DNAH10: variants seen among roughly 807,000 people sequenced by gnomAD.
DNAH10 encodes axonemal beta dynein heavy chain 10.
In DNAH10, 348 loss-of-function variants were observed where a neutral mutation model predicts 506.6. That is an observed-to-expected ratio of 0.69 (90% CI 0.63 to 0.75). The LOEUF (loss-of-function observed/expected upper bound fraction) is 0.75. Among genes scored for constraint, DNAH10 ranks in the 30% least tolerant of loss-of-function variants. The probability of loss-of-function intolerance (pLI) is 0.00; values close to 1 mark genes in which losing one functional copy is unlikely to be tolerated. For synonymous variants in DNAH10, 2,059 were observed against 2,198.6 expected (o/e 0.94, Z 1.78); for missense variants, 5,179 against 5,787.1 (o/e 0.89, Z 3.41).
At chr12:123,873,804 T>C (rs1952131769) in intron 46 of DNAH10, 94 bp downstream of exon 46, 2 of 1,444,340 alleles carry the variant, frequency 1.4e-6, no homozygotes, top group Admixed American at 5.3e-5. Flanking sequence ...TATGAGAACA[T>C]TGATCTTTAC....
chr12:123,861,184 T>C lies in DNAH10; in HGVS notation c.6908+14T>C. The C allele has an allele frequency of 6.2e-7, 1 of 1,613,078 alleles. No homozygotes were observed. Among genetic ancestry groups the C allele is most frequent in the Non-Finnish European group, 8.5e-7 (1 of 1,179,560 alleles). On this transcript the variant is annotated intron_variant, in intron 39 of 78. Transcript: ENST00000673944. Reference sequence around the variant, plus strand: ...GAAGGAGCGAAAGTGAGTATCTTTGTAGGTAGGAAAGAGCCTGGGTTAGTT... The same window carrying C: ...GAAGGAGCGAAAGTGAGTATCTTTGCAGGTAGGAAAGAGCCTGGGTTAGTT...
At chr12:123,834,338 G>C (rs1289943303) in intron 27 of DNAH10, among the ~76,000 whole-genome samples, 2 of 152,130 alleles carry the variant, frequency 1.3e-5, no homozygotes, top group Non-Finnish European at 2.9e-5. Flanking sequence ...CTCCCGAGTG[G>C]CTGGGATTAC....
chr12:123,928,949 A>T lies in DNAH10; in HGVS notation c.12307-326A>T, dbSNP rs935255458. 17 of 467,106 alleles carry T rather than the reference A, an allele frequency of 3.6e-5. No homozygotes were observed. The highest frequency in any genetic ancestry group is 5.7e-5 in the Non-Finnish European group (15 of 264,496). The allele number at this position is 467,106 out of a possible 1,614,324, so 28.9% of individuals were successfully genotyped here. The stretch of plus-strand genomic sequence containing the variant: ...CCCCATTTAATTTATTCTCCGGGAA[A>T]TTCTTTTGGAAAGGTTTTGTCATTC... On this transcript the variant is annotated intron_variant, in intron 70 of 78. Transcript: ENST00000673944. This position sits in a 1 kb window ranked among gnomAD's most constrained non-coding sequence, Gnocchi z 4.9.
At chr12:123,817,440 T>C (rs1435404641) in intron 21 of DNAH10, among the ~76,000 whole-genome samples, 1 of 152,174 alleles carries the variant, frequency 6.6e-6, no homozygotes, top group African/African-American at 2.4e-5. Flanking sequence ...TCATTAATTT[T>C]CTATTTATTT....
In DNAH10 at chr12:123,789,932, G is replaced by A; in HGVS notation, c.1626G>A (p.Leu542=). The A allele has an allele frequency of 1.2e-6, 2 of 1,611,398 alleles. No individual in the cohort carries two copies. Among genetic ancestry groups the A allele is most frequent in the Non-Finnish European group, 1.7e-6 (2 of 1,178,644 alleles). The change falls in exon 11 of 79, where the codon TTG becomes TTA. Residue 542 remains leucine (L), a synonymous_variant. Coordinates refer to ENST00000673944, the MANE Select transcript of DNAH10 (RefSeq NM_001372106.1). ...CQDLSDVLQI[L]EEFYNIFGPE... is the part of the protein sequence containing the mutation. The stretch of plus-strand genomic sequence containing the variant: ...TGTTCCGTTTGATTGGACAGATTTT[G>A]GAGGAATTTTATAACATATTTGGTC...
chr12:123,901,223 T>C lies in DNAH10; in HGVS notation c.9641-1716T>C, dbSNP rs1362958528. On this transcript the variant is annotated intron_variant, in intron 56 of 78. Transcript: ENST00000673944. Reference sequence around the variant, plus strand: ...CTGAGGCCTGTACCAGCCCTCTTCCTTCCCAGCCAGCTCTGGTGGTGTCCT... The same window carrying C: ...CTGAGGCCTGTACCAGCCCTCTTCCCTCCCAGCCAGCTCTGGTGGTGTCCT... 2.0e-5 allele frequency among the ~76,000 whole-genome samples: 3 copies of C among 152,224 alleles called. No individual in the cohort carries two copies. In the East Asian group the frequency reaches 5.8e-4, roughly 29 times the overall value.
Position 123,917,537 on chromosome 12 carries a change from G to T in DNAH10, c.11003-47G>T. On this transcript the variant is annotated intron_variant, in intron 63 of 78. Coordinates refer to ENST00000673944, the MANE Select transcript of DNAH10 (RefSeq NM_001372106.1). This position sits in a 1 kb window ranked among gnomAD's most constrained non-coding sequence, Gnocchi z 5.6. ...TCACAGCAGGGCAGCGGGAGAGACT[G>T]TTGTTGGGGGCCGCAGGTGGTGAGG... The T allele has an allele frequency of 6.5e-7, 1 of 1,532,974 alleles. No homozygotes were observed. 95.0% of individuals were successfully genotyped at this position (1,532,974 alleles called of 1,614,324 possible).
At chr12:123,930,685 T>C in intron 73 of DNAH10, 112 bp downstream of exon 73, 1 of 1,190,114 alleles carries the variant, frequency 8.4e-7, no homozygotes, top group Non-Finnish European at 1.1e-6. Flanking sequence ...AGGTGTGGTC[T>C]GTTAAGCCTG....
intron 19 of DNAH10, among the ~76,000 whole-genome samples, chr12:123,809,937 T>G (rs926360630): frequency 1.3e-5 from 2 of 152,148 alleles, no homozygotes; most frequent in African/African-American, 4.8e-5. Flanking sequence ...CCTGGAACAT[T>G]CTGCTCCCCT....
At chr12:123,818,345 A>T (rs1959180925) in intron 21 of DNAH10, among the ~76,000 whole-genome samples, 1 of 152,032 alleles carries the variant, frequency 6.6e-6, no homozygotes, top group South Asian at 2.1e-4. Context: ...TTTTTTTGAG[A>T]TAGAATCTTG....
At chr12:123,803,552 G>A in intron 16 of DNAH10, 109 bp from the exon 17 acceptor site, 1 of 1,122,568 alleles carries the variant, frequency 8.9e-7, no homozygotes, top group Non-Finnish European at 1.2e-6. Context: ...GGAATGAGCA[G>A]GGTCTTTCCT....
intron 1 of DNAH10, among the ~76,000 whole-genome samples, chr12:123,763,534 A>G (rs1167546098): frequency 6.7e-6 from 1 of 150,010 alleles, no homozygotes; most frequent in East Asian, 1.9e-4. Context: ...GGTACCAGGC[A>G]GATTCATTTA....
chr12:123,914,870 TC>T lies in DNAH10; in HGVS notation c.10599del (p.Asp3534MetfsTer54), dbSNP rs758148762. On this transcript the variant is annotated frameshift_variant, in exon 62 of 79. Coordinates refer to ENST00000673944, the MANE Select transcript of DNAH10 (RefSeq NM_001372106.1). LOFTEE classifies it high-confidence loss of function. ...CTTCCAGATGGGGATCCCAGGGCCTTCCCCCCGATGAGCTCTCCGTTCAGAA... is the reference window on the plus strand; with the variant it reads ...CTTCCAGATGGGGATCCCAGGGCCTTCCCCCGATGAGCTCTCCGTTCAGAA... Reference protein sequence around the residue: ...EISRWGSQGLPPDELSVQNGI... With the variant: ...EISRWGSQGLXPDELSVQNGI... 2 of 1,612,988 alleles carry T rather than the reference TC, an allele frequency of 1.2e-6. No homozygotes were observed. Among genetic ancestry groups the T allele is most frequent in the Non-Finnish European group, 1.7e-6 (2 of 1,179,606 alleles).
At chr12:123,804,302 G>A (rs151312164) in intron 17 of DNAH10, among the ~76,000 whole-genome samples, 1,649 of 152,164 alleles carry the variant, frequency 0.011, 35 homozygotes, top group African/African-American at 0.037. Flanking sequence ...GAGGCAGGCA[G>A]ATCACAAGGT....
intron 6 of DNAH10, 141 bp downstream of exon 6, chr12:123,781,440 G>T: frequency 2.6e-6 from 2 of 772,978 alleles, no homozygotes; most frequent in Non-Finnish European, 4.1e-6. Flanking sequence ...TCACTTTGTC[G>T]CTCAGGCTGG....
chr12:123,796,727 A>G lies in DNAH10; in HGVS notation c.2058A>G (p.Val686=). The G allele has an allele frequency of 3.7e-6, 6 of 1,614,130 alleles. No homozygotes were observed. Among genetic ancestry groups the G allele is most frequent in the Non-Finnish European group, 5.1e-6 (6 of 1,180,008 alleles). ...NPPLYKNHPP[V]AGAIYWERSL... Reference sequence around the variant, plus strand: ...CACTGTATAAGAATCACCCTCCAGTAGCAGGTGCAATATACTGGGAACGAT... The same window carrying G: ...CACTGTATAAGAATCACCCTCCAGTGGCAGGTGCAATATACTGGGAACGAT... The change falls in exon 13 of 79, where the codon GTA becomes GTG. Residue 686 remains valine (V), a synonymous_variant. Transcript: ENST00000673944.
intron 65 of DNAH10, 27 bp downstream of exon 65, chr12:123,918,976 T>C (rs1954611902): frequency 1.3e-6 from 2 of 1,559,904 alleles, no homozygotes; most frequent in African/African-American, 1.4e-5. Flanking sequence ...GAGGAGGACA[T>C]GTTAGTGTAG....
At chr12:123,921,365 T>C (rs1215967761) in intron 65 of DNAH10, among the ~76,000 whole-genome samples, 1 of 152,250 alleles carries the variant, frequency 6.6e-6, no homozygotes, top group East Asian at 1.9e-4. Context: ...TCAGTACGGT[T>C]TACCCTCAAC....
In DNAH10 at chr12:123,788,966, T is replaced by C. The variant is rs1399141642; in HGVS notation, c.1621-961T>C. The stretch of plus-strand genomic sequence containing the variant: ...AAAGAATTAAAAATATAAAGCTTTT[T>C]CGGCTAGATGCGGTGGCTCACGCCT... On this transcript the variant is annotated intron_variant, in intron 10 of 78. Coordinates refer to ENST00000673944, the MANE Select transcript of DNAH10 (RefSeq NM_001372106.1). 4.6e-5 allele frequency among the ~76,000 whole-genome samples: 7 copies of C among 151,704 alleles called. No individual in the cohort carries two copies. The East Asian group carries it at 1.2e-3, about 25-fold the overall frequency.
Sources: allele counts gnomAD v4.1 joint callset (sites outside exome capture counted in the v4.1 genomes callset), GRCh38; gene constraint gnomAD v4.1.1; non-coding constraint Gnocchi (gnomAD v3.1); transcripts MANE v1.5; gene names NCBI Gene and HGNC (gene_info 2026-07-23, HGNC 2026-07-21).